NDUFAF2: variants seen among roughly 807,000 people sequenced by gnomAD.
NDUFAF2 encodes NADH:ubiquinone oxidoreductase complex assembly factor 2.
In NDUFAF2, 13 loss-of-function variants were observed where a neutral mutation model predicts 22.8. That is an observed-to-expected ratio of 0.57 (90% CI 0.37 to 0.91). The LOEUF (loss-of-function observed/expected upper bound fraction) is 0.91. Among genes scored for constraint, NDUFAF2 ranks in the 40% least tolerant of loss-of-function variants. The pLI, the probability that NDUFAF2 is intolerant of heterozygous loss-of-function variation, is 0.01. For missense variants in NDUFAF2, 162 were observed against 195.2 expected (o/e 0.83, Z 1.01); for synonymous variants, 53 against 64.2 (o/e 0.83, Z 0.84).
intron 3 of NDUFAF2, among the ~76,000 whole-genome samples, chr5:61,134,644 C>T (rs1740883967): frequency 6.6e-6 from 1 of 152,092 alleles, no homozygotes; most frequent in Non-Finnish European, 1.5e-5. Context: ...TGAGATCGTG[C>T]CACTGCACTC....
chr5:61,148,791 A>G (rs1741183993), intron 3 of NDUFAF2, among the ~76,000 whole-genome samples: 1 of 152,246 alleles, frequency 6.6e-6, no homozygotes, highest in Non-Finnish European at 1.5e-5. Flanking sequence ...AATTTGAGGT[A>G]TAAATATTTA....
At chr5:61,127,752 C>A (rs1410538801) in intron 3 of NDUFAF2, among the ~76,000 whole-genome samples, 1 of 152,182 alleles carries the variant, frequency 6.6e-6, no homozygotes, top group South Asian at 2.1e-4. Context: ...GATGCCTTCT[C>A]TCACCACTCC....
At position 60,960,081 on chromosome 5, in the gene NDUFAF2, G is replaced by A. The variant is rs549640199; in HGVS notation, c.127+14699G>A. Among the ~76,000 whole-genome samples, 4 of 152,116 alleles carry A rather than the reference G, an allele frequency of 2.6e-5. No homozygotes were observed. The East Asian group carries it at 7.7e-4, about 29-fold the overall frequency. ...TTAATCTTGAATTCTAGTTTTCCCTGCCATAGAAATATGAAACATTTTAAC... is the reference window on the plus strand; with the variant it reads ...TTAATCTTGAATTCTAGTTTTCCCTACCATAGAAATATGAAACATTTTAAC... On this transcript the variant is annotated intron_variant, in intron 1 of 3. Transcript: ENST00000296597.
intron 1 of NDUFAF2, among the ~76,000 whole-genome samples, chr5:61,028,442 A>G (rs1751681649): frequency 6.6e-6 from 1 of 152,116 alleles, no homozygotes; most frequent in Admixed American, 6.6e-5. Flanking sequence ...GTCTTTTACA[A>G]AAATGGTGTT....
intron 3 of NDUFAF2, among the ~76,000 whole-genome samples, chr5:61,133,565 G>T (rs1370065751): frequency 1.3e-5 from 2 of 152,090 alleles, no homozygotes; most frequent in Non-Finnish European, 1.5e-5. Flanking sequence ...CAAAGGGAAG[G>T]GGTATAAGCA....
intron 3 of NDUFAF2, among the ~76,000 whole-genome samples, chr5:61,117,564 T>C (rs1294172038): frequency 6.6e-6 from 1 of 152,028 alleles, no homozygotes; most frequent in African/African-American, 2.4e-5. Flanking sequence ...CTATGTTGCC[T>C]AGGTTTATCT....
At chr5:61,106,144 T>C (rs1417609231) in intron 3 of NDUFAF2, among the ~76,000 whole-genome samples, 2 of 151,246 alleles carry the variant, frequency 1.3e-5, no homozygotes. Flanking sequence ...TGGGAAAAAA[T>C]TACCAGCAGA....
At chr5:61,080,938 A>G (rs909012518) in intron 2 of NDUFAF2, among the ~76,000 whole-genome samples, 1 of 152,132 alleles carries the variant, frequency 6.6e-6, no homozygotes, top group African/African-American at 2.4e-5. Context: ...GCCTAACCTG[A>G]GGTCAAGAAT....
At chr5:61,117,594 G>A (rs1014401808) in intron 3 of NDUFAF2, among the ~76,000 whole-genome samples, 4 of 152,052 alleles carry the variant, frequency 2.6e-5, no homozygotes, top group South Asian at 4.2e-4. Flanking sequence ...AGACTCAAGC[G>A]ATCTTCCCAC....
intron 1 of NDUFAF2, among the ~76,000 whole-genome samples, chr5:61,017,096 T>C (rs954818687): frequency 2.6e-5 from 4 of 152,244 alleles, no homozygotes; most frequent in African/African-American, 9.6e-5. Flanking sequence ...TTCTCTACTT[T>C]TCACTCTTGC....
chr5:61,049,886 T>TACACACAC (rs70977822), intron 1 of NDUFAF2, among the ~76,000 whole-genome samples: 6,126 of 144,362 alleles, frequency 0.042, 180 homozygotes, highest in African/African-American at 0.082. Flanking sequence ...ATTTAAATTA[T>TACACACAC]ACACACACAC....
intron 1 of NDUFAF2, among the ~76,000 whole-genome samples, chr5:60,986,710 C>T (rs1664507123): frequency 6.6e-6 from 1 of 151,998 alleles, no homozygotes; most frequent in Admixed American, 6.6e-5. Context: ...GTGGGCAGAT[C>T]ACAGGGTCAG....
intron 1 of NDUFAF2, among the ~76,000 whole-genome samples, chr5:61,016,701 C>A (rs1751515667): frequency 6.6e-6 from 1 of 152,136 alleles, no homozygotes. Flanking sequence ...GCCTGAGGAT[C>A]CCAGATCAAG....
chr5:61,003,072 C>A (rs1751317842), intron 1 of NDUFAF2, among the ~76,000 whole-genome samples: 1 of 151,960 alleles, frequency 6.6e-6, no homozygotes, highest in East Asian at 1.9e-4. Context: ...TTTTTCTGTC[C>A]ATTTGTGACT....
chr5:60,991,884 T>C (rs1331762320), intron 1 of NDUFAF2, among the ~76,000 whole-genome samples: 1 of 152,206 alleles, frequency 6.6e-6, no homozygotes, highest in Non-Finnish European at 1.5e-5. Context: ...CTGTTCTCCA[T>C]AGTGGTTCTG....
intron 3 of NDUFAF2, among the ~76,000 whole-genome samples, chr5:61,112,756 T>C (rs914682942): frequency 6.6e-6 from 1 of 152,226 alleles, no homozygotes; most frequent in Non-Finnish European, 1.5e-5. Flanking sequence ...TTAATGTTTT[T>C]ATTGATAAGG....
At chr5:60,986,487 T>C (rs1001556454) in intron 1 of NDUFAF2, among the ~76,000 whole-genome samples, 4 of 152,158 alleles carry the variant, frequency 2.6e-5, no homozygotes, top group Admixed American at 6.6e-5. Flanking sequence ...GAGGGAAATT[T>C]CTGGCACTAT....
chr5:61,116,813 A>G lies in NDUFAF2; in HGVS notation c.258+17781A>G, dbSNP rs1397451277. ...ATTGGCAAAGGGTACTAGAGTATGA[A>G]AGGCAACCAGTCCAGGCAGAGTGAA... On this transcript the variant is annotated intron_variant, in intron 3 of 3. Transcript: ENST00000296597. The G allele has an allele frequency of 2.0e-5, 3 of 152,296 alleles. No individual in the cohort carries two copies. In the East Asian group the frequency reaches 5.8e-4, roughly 29 times the overall value. 9.4% of individuals were successfully genotyped at this position (152,296 alleles called of 1,614,324 possible).
At chr5:61,055,635 T>C (rs1416126523) in intron 1 of NDUFAF2, among the ~76,000 whole-genome samples, 1 of 152,170 alleles carries the variant, frequency 6.6e-6, no homozygotes, top group African/African-American at 2.4e-5. Context: ...ATAGTTAGGT[T>C]GTTCTGCAGC....
Sources: allele counts gnomAD v4.1 joint callset (sites outside exome capture counted in the v4.1 genomes callset), GRCh38; gene constraint gnomAD v4.1.1; transcripts MANE v1.5; gene names NCBI Gene and HGNC (gene_info 2026-07-23, HGNC 2026-07-21).